Variants in ALG11 observed in about 807,000 individuals in gnomAD.
The protein encoded by ALG11 is ALG11 alpha-1,2-mannosyltransferase.
In ALG11, 26 loss-of-function variants were observed where a neutral mutation model predicts 38.8. That is an observed-to-expected ratio of 0.67 (90% CI 0.49 to 0.93). The LOEUF (loss-of-function observed/expected upper bound fraction) is 0.93, where lower values mean the gene tolerates loss of function less well. Among genes scored for constraint, ALG11 ranks in the 40% least tolerant of loss-of-function variants. The pLI is 0.00. For synonymous variants in ALG11, 199 were observed against 211.6 expected, an observed-to-expected ratio of 0.94 and a Z score of 0.52; for missense variants, 535 against 578.8, an observed-to-expected ratio of 0.92 and a Z score of 0.78.
At chr13:52,016,234 G>T (rs1954133256) in intron 1 of ALG11, 1 of 152,218 alleles carries the variant, frequency 6.6e-6, no homozygotes, top group African/African-American at 2.4e-5. Flanking sequence ...TGACTTGGGT[G>T]CTCTTAAAAG....
Position 52,029,507 on chromosome 13 carries a change from T to C in ALG11, c.*917T>C, listed in dbSNP as rs949377542. 2.5e-6 allele frequency: 4 copies of C among 1,614,042 alleles called. No homozygotes were observed. In the African/African-American group the frequency reaches 5.3e-5, roughly 22 times the overall value. ...TCAGAGGGCTCGGGCTCTGCAGTCC[T>C]ACTATGAGGCCAAGGCTCGAAAAGA... On this transcript the variant is annotated 3_prime_UTR_variant, in exon 4 of 4. Transcript: ENST00000521508.
chr13:52,028,899 A>G lies in ALG11; in HGVS notation c.*309A>G. 2 of 1,614,244 alleles carry G rather than the reference A, an allele frequency of 1.2e-6. No homozygotes were observed. On this transcript the variant is annotated 3_prime_UTR_variant, in exon 4 of 4. Transcript: ENST00000521508. Reference sequence around the variant, plus strand: ...AACTACCCCTTGAGTGAAAATGAAGATGAGGGGGACAGTGATGGAGAGAGA... The same window carrying G: ...AACTACCCCTTGAGTGAAAATGAAGGTGAGGGGGACAGTGATGGAGAGAGA...
In ALG11 at chr13:52,030,223, G is replaced by A. The variant is rs1171898366; in HGVS notation, c.*1633G>A. 1 of 1,614,096 alleles carries A rather than the reference G, an allele frequency of 6.2e-7. No individual in the cohort carries two copies. The highest frequency in any genetic ancestry group is 2.2e-5 in the East Asian group (1 of 44,896). ...TGAAGGAAAAACATCAGTCCAGGAA[G>A]CAAAAAGCAAGTTCAGAGGGGACTG... On this transcript the variant is annotated 3_prime_UTR_variant, in exon 4 of 4. Transcript: ENST00000521508.
intron 2 of ALG11, chr13:52,021,015 G>A (rs956725396): frequency 1.3e-5 from 2 of 152,178 alleles, no homozygotes; most frequent in African/African-American, 2.4e-5. Context: ...GAACAAGATC[G>A]ATCAAGTCCT....
rs1403005313 is a variant in ALG11, at chr13:52,024,751, C to T, written c.1021C>T (p.Leu341Phe). ...GTCACCTCCTTCGCTTAAACTTGTC[C>T]TCATTGGAGGTTGTCGTAACAAAGA... ...VESPPSLKLV[L>F]IGGCRNKDDE... Residue 341 changes from leucine to phenylalanine, a missense_variant, in exon 3 of 4, where the codon CTC (leucine) becomes TTC (phenylalanine). Physicochemically the swap from Leu to Phe is conservative, Grantham distance 22 (BLOSUM62 0). Coordinates refer to ENST00000521508, the MANE Select transcript of ALG11 (RefSeq NM_001004127.3). 1 of 1,614,204 alleles carries T rather than the reference C, an allele frequency of 6.2e-7. No homozygotes were observed. The highest frequency in any genetic ancestry group is 1.1e-5 in the South Asian group (1 of 91,088).
At position 52,028,830 on chromosome 13, in the gene ALG11, A is replaced by T. The variant is rs1334924465; in HGVS notation, c.*240A>T. ...ATGAATGTGAACCAGGTTGCAGAGA[A>T]TCTGGCTTTGAGCCACCAGGAAGAA... On this transcript the variant is annotated 3_prime_UTR_variant, in exon 4 of 4. Coordinates refer to ENST00000521508, the MANE Select transcript of ALG11 (RefSeq NM_001004127.3). 3 of 1,614,140 alleles carry T rather than the reference A, an allele frequency of 1.9e-6. No individual in the cohort carries two copies. Among genetic ancestry groups the T allele is most frequent in the Non-Finnish European group, 2.5e-6 (3 of 1,180,054 alleles).
At chr13:52,023,793 T>A (rs924710812) in intron 2 of ALG11, 2 of 111,058 alleles carry the variant, frequency 1.8e-5, no homozygotes, top group East Asian at 4.4e-4. Flanking sequence ...GGTAGCAGGC[T>A]TTTTTTTTTT....
chr13:52,029,762 C>G lies in ALG11; in HGVS notation c.*1172C>G. The stretch of plus-strand genomic sequence containing the variant: ...GGCCAAATATGACCTGGAGGCTCGC[C>G]AAGCTATGCAGGAACAGTTGGCCAA... On this transcript the variant is annotated 3_prime_UTR_variant, in exon 4 of 4. Transcript: ENST00000521508. 1.2e-6 allele frequency: 2 copies of G among 1,614,164 alleles called. No homozygotes were observed. The highest frequency in any genetic ancestry group is 1.7e-6 in the Non-Finnish European group (2 of 1,180,028).
At chr13:52,020,215 T>TG (rs1307923780) in intron 2 of ALG11, among the ~76,000 whole-genome samples, 5 of 152,138 alleles carry the variant, frequency 3.3e-5, no homozygotes, top group Non-Finnish European at 7.4e-5. Flanking sequence ...GAATATGGTG[T>TG]TATACATCTT....
rs1954266910 is a variant in ALG11, at chr13:52,028,782, C to G, written c.*192C>G. 21 of 1,614,156 alleles carry G rather than the reference C, an allele frequency of 1.3e-5. No individual in the cohort carries two copies. The highest frequency in any genetic ancestry group is 1.8e-5 in the Non-Finnish European group (21 of 1,180,018). ...GCCTTCGGCTTCCATTCTTGGTATA[C>G]ATGAGAGAGGCTGGCTGCTGAGATG... is the stretch of plus-strand genomic sequence containing the variant. On this transcript the variant is annotated 3_prime_UTR_variant, in exon 4 of 4. Transcript: ENST00000521508.
In ALG11 at chr13:52,018,931, C is replaced by A; in HGVS notation, c.63C>A (p.Phe21Leu). The A allele has an allele frequency of 1.2e-6, 2 of 1,613,860 alleles. No homozygotes were observed. The highest frequency in any genetic ancestry group is 1.3e-5 in the African/African-American group (1 of 74,984). The part of the protein sequence containing the change: ...CKLLRFFYSL[F>L]FPGLIVCGTL... ...ATTTCAGGTTTTTTTATTCATTATT[C>A]TTCCCTGGGCTCATTGTATGTGGAA... The change falls in exon 2 of 4, where the codon TTC becomes TTA. Residue 21 changes from phenylalanine to leucine, a missense_variant. By Grantham distance (22) the Phe-to-Leu change is conservative (BLOSUM62 0). Transcript: ENST00000521508.
chr13:52,025,065 G>A, intron 3 of ALG11, 128 bp downstream of exon 3: 1 of 1,079,676 alleles, frequency 9.3e-7, no homozygotes, highest in East Asian at 2.4e-5. Flanking sequence ...CACCAAATGT[G>A]CTTTCCTCAC....
rs775139091 is a variant in ALG11 at position 52,029,264 on chromosome 13, G to A, written c.*674G>A. On this transcript the variant is annotated 3_prime_UTR_variant, in exon 4 of 4. Coordinates refer to ENST00000521508, the MANE Select transcript of ALG11 (RefSeq NM_001004127.3). ...TATCATCCTGAAGAACCAGCAGGCAGAGCAGCTGGTTTTTCCCCTGGGGAA... is the reference window on the plus strand; with the variant it reads ...TATCATCCTGAAGAACCAGCAGGCAAAGCAGCTGGTTTTTCCCCTGGGGAA... 3 of 1,614,200 alleles carry A rather than the reference G, an allele frequency of 1.9e-6. No homozygotes were observed. Among genetic ancestry groups the A allele is most frequent in the East Asian group, 2.2e-5 (1 of 44,874 alleles).
At chr13:52,028,195 A>G in intron 3 of ALG11, 124 bp from the exon 4 acceptor site, 2 of 1,112,188 alleles carry the variant, frequency 1.8e-6, no homozygotes, top group Non-Finnish European at 2.6e-6. Flanking sequence ...GCAAATGTCT[A>G]GACATACATT....
In ALG11 at chr13:52,030,927, C is replaced by T. The variant is rs751435110; in HGVS notation, c.*2337C>T. 1 of 1,614,176 alleles carries T rather than the reference C, an allele frequency of 6.2e-7. No individual in the cohort carries two copies. Among genetic ancestry groups the T allele is most frequent in the East Asian group, 2.2e-5 (1 of 44,888 alleles). On this transcript the variant is annotated 3_prime_UTR_variant, in exon 4 of 4. Coordinates refer to ENST00000521508, the MANE Select transcript of ALG11 (RefSeq NM_001004127.3). ...ACCCCTATAGGATCCACATGGAACA[C>T]CCAGAGGGCTTTCCAAAAGCTGACT...
chr13:52,030,211 T>G lies in ALG11; in HGVS notation c.*1621T>G. 1 of 1,614,076 alleles carries G rather than the reference T, an allele frequency of 6.2e-7. No individual in the cohort carries two copies. Among genetic ancestry groups the G allele is most frequent in the South Asian group, 1.1e-5 (1 of 91,070 alleles). ...TATCTCAGAAATTGAAGGAAAAACA[T>G]CAGTCCAGGAAGCAAAAAGCAAGTT... On this transcript the variant is annotated 3_prime_UTR_variant, in exon 4 of 4. Transcript: ENST00000521508.
rs745536593 is a variant in ALG11 at position 52,024,388 on chromosome 13, G to A, written c.658G>A (p.Ala220Thr). 9.3e-6 allele frequency: 15 copies of A among 1,613,584 alleles called. No homozygotes were observed. In the African/African-American group the frequency reaches 1.9e-4, roughly 20 times the overall value. Residue 220 changes from alanine (A) to threonine (T), a missense_variant, in exon 3 of 4, where the codon GCA becomes ACA. Ala to Thr is a moderately conservative substitution (Grantham distance 58). Coordinates refer to ENST00000521508, the MANE Select transcript of ALG11 (RefSeq NM_001004127.3). Reference sequence around the variant, plus strand: ...GAATCAAAATATTGGATTTAATAATGCAGCCTTCATTACCAGGAATCCTTT... The same window carrying A: ...GAATCAAAATATTGGATTTAATAATACAGCCTTCATTACCAGGAATCCTTT... ...VKNQNIGFNN[A>T]AFITRNPFLS...
intron 1 of ALG11, among the ~76,000 whole-genome samples, chr13:52,012,967 TTTAA>T (rs1331935491): frequency 6.6e-6 from 1 of 152,238 alleles, no homozygotes; most frequent in African/African-American, 2.4e-5. Context: ...AATCTGTTAC[TTTAA>T]TTTTTATGAT....
chr13:52,019,346 C>T (rs573940425), intron 2 of ALG11, among the ~76,000 whole-genome samples: 89 of 151,642 alleles, frequency 5.9e-4, no homozygotes, highest in African/African-American at 2.0e-3. Context: ...CTCGGCCTCC[C>T]GAGTAGCTGG....
Sources: gnomAD v4.1 joint callset for allele counts (sites outside exome capture counted in the v4.1 genomes callset) on GRCh38, gnomAD v4.1.1 for gene constraint, MANE v1.5 for transcripts, NCBI Gene and HGNC (gene_info 2026-07-23, HGNC 2026-07-21) for gene names.